The following CDK5RAP2 variants were observed in gnomAD, a reference collection of about 807,000 sequenced individuals.
CDK5RAP2 encodes the protein CDK5 regulatory subunit-associated protein 2.
A neutral mutation model predicts 232.9 loss-of-function variants in CDK5RAP2; 147 were observed. The observed-to-expected ratio is 0.63, with a 90% CI of 0.55 to 0.72. The LOEUF is 0.72. Among genes scored for constraint, CDK5RAP2 ranks in the 30% least tolerant of loss-of-function variants. The pLI, the probability that CDK5RAP2 is intolerant of heterozygous loss-of-function variation, is 0.00. For synonymous variants in CDK5RAP2, 833 were observed against 833.7 expected (o/e 1.00, Z 0.01); for missense variants, 2,195 against 2,231.5 (o/e 0.98, Z 0.33).
At chr9:120,409,871 G>A (rs1205509475) in intron 29 of CDK5RAP2, among the ~76,000 whole-genome samples, 1 of 152,240 alleles carries the variant, frequency 6.6e-6, no homozygotes, top group African/African-American at 2.4e-5. Context: ...AACCTTGAGT[G>A]AGGCTCTTCA....
At chr9:120,555,421 A>G (rs2042192334) in intron 3 of CDK5RAP2, among the ~76,000 whole-genome samples, 1 of 152,152 alleles carries the variant, frequency 6.6e-6, no homozygotes, top group Non-Finnish European at 1.5e-5. Context: ...TACAGGCGTG[A>G]GCCACCCTGC....
intron 12 of CDK5RAP2, among the ~76,000 whole-genome samples, chr9:120,494,404 GAGCCT>G (rs2131655816): frequency 6.6e-6 from 1 of 152,226 alleles, no homozygotes; most frequent in East Asian, 1.9e-4. Flanking sequence ...AATACGAAAT[GAGCCT>G]AGGAGATCTT....
intron 14 of CDK5RAP2, among the ~76,000 whole-genome samples, chr9:120,482,711 C>A (rs2038391042): frequency 6.6e-6 from 1 of 152,156 alleles, no homozygotes; most frequent in Admixed American, 6.5e-5. Context: ...TCAAACGCTG[C>A]CACAAATACT....
intron 35 of CDK5RAP2, among the ~76,000 whole-genome samples, chr9:120,396,478 A>G (rs192709578): frequency 1.4e-3 from 209 of 152,334 alleles, no homozygotes; most frequent in African/African-American, 4.9e-3. Flanking sequence ...TGGCTGACCC[A>G]TTCCTTGTTC....
intron 12 of CDK5RAP2, among the ~76,000 whole-genome samples, chr9:120,500,845 T>A (rs944332017): frequency 1.3e-5 from 2 of 152,204 alleles, no homozygotes; most frequent in Non-Finnish European, 2.9e-5. Context: ...TGATTGTGTT[T>A]TGCTGGCCGG....
chr9:120,506,554 T>C (rs2039821425), intron 12 of CDK5RAP2, among the ~76,000 whole-genome samples: 1 of 152,244 alleles, frequency 6.6e-6, no homozygotes, highest in African/African-American at 2.4e-5. Context: ...TGGAAAGGAT[T>C]CATCATTCTA....
intron 20 of CDK5RAP2, among the ~76,000 whole-genome samples, chr9:120,456,985 A>G (rs1391237990): frequency 6.6e-6 from 1 of 152,180 alleles, no homozygotes; most frequent in Non-Finnish European, 1.5e-5. Flanking sequence ...TCAGAGCCCA[A>G]ATATCGTTTA....
intron 25 of CDK5RAP2, among the ~76,000 whole-genome samples, chr9:120,424,530 T>C (rs762142809): frequency 6.6e-6 from 1 of 152,086 alleles, no homozygotes; most frequent in East Asian, 1.9e-4. Context: ...ACATTTTTCA[T>C]CTCATACCTG....
In CDK5RAP2 at chr9:120,439,599, C is replaced by T. The variant is rs905249328; in HGVS notation, c.3522G>A (p.Leu1174=). The T allele has an allele frequency of 6.2e-7, 1 of 1,614,184 alleles. No individual in the cohort carries two copies. Among genetic ancestry groups the T allele is most frequent in the Non-Finnish European group, 8.5e-7 (1 of 1,180,026 alleles). ...CGTGTTTCACGTATCGCACTTGGTG[C>T]AAACTTGAAAAGGTCATTTCTTCCC... ...SDGEEMTFSS[L]HQVRYVKHVK... Residue 1174 remains leucine (L), a synonymous_variant, in exon 24 of 38, where the codon TTG becomes TTA. Transcript: ENST00000349780.
Position 120,406,998 on chromosome 9 carries a change from G to C in CDK5RAP2, c.4963+14C>G. The C allele has an allele frequency of 6.3e-7, 1 of 1,584,778 alleles. No individual in the cohort carries two copies. Among genetic ancestry groups the C allele is most frequent in the Non-Finnish European group, 8.7e-7 (1 of 1,153,378 alleles). On this transcript the variant is annotated intron_variant, in intron 32 of 37. Transcript: ENST00000349780. ...GCTGCATTCTCAGCAAGTGGGGAGA[G>C]GCAGGGGCAGTACCGTGTTTGTCAG...
chr9:120,501,908 G>A (rs2039593383), intron 12 of CDK5RAP2, among the ~76,000 whole-genome samples: 1 of 152,212 alleles, frequency 6.6e-6, no homozygotes, highest in Non-Finnish European at 1.5e-5. Flanking sequence ...CACTCAATAA[G>A]CATCTGTTGG....
intron 18 of CDK5RAP2, among the ~76,000 whole-genome samples, chr9:120,466,455 C>G (rs900526564): frequency 1.3e-5 from 2 of 152,180 alleles, no homozygotes; most frequent in African/African-American, 4.8e-5. Flanking sequence ...TGATAAAAGA[C>G]TCAACAAATC....
chr9:120,455,427 A>C (rs979843108), intron 20 of CDK5RAP2, among the ~76,000 whole-genome samples: 9 of 151,710 alleles, frequency 5.9e-5, no homozygotes, highest in Non-Finnish European at 1.0e-4. Context: ...GGACTGGGCC[A>C]GGCACACACG....
chr9:120,534,323 T>C (rs574943178), intron 7 of CDK5RAP2, among the ~76,000 whole-genome samples: 126 of 152,264 alleles, frequency 8.3e-4, no homozygotes, highest in African/African-American at 3.0e-3. Context: ...TTACTTTCCT[T>C]TCTCTGTCCA....
intron 27 of CDK5RAP2, among the ~76,000 whole-genome samples, chr9:120,416,941 T>C (rs967097321): frequency 6.6e-6 from 1 of 152,262 alleles, no homozygotes; most frequent in African/African-American, 2.4e-5. Flanking sequence ...ATGAGATGAC[T>C]TAATTCCCAG....
In CDK5RAP2 at chr9:120,527,371, G is replaced by T. The variant is rs77954720; in HGVS notation, c.999+435C>A. 1.0e-3 allele frequency among the ~76,000 whole-genome samples: 152 copies of T among 152,108 alleles called. 1 individual carries two copies. The East Asian group carries it at 0.023, about 23-fold the overall frequency. ...ATGCGGCAGTCACTACCCACATGTG[G>T]CTCTTGGCATGTGAAATGTGGTTAG... On this transcript the variant is annotated intron_variant, in intron 10 of 37. Coordinates refer to ENST00000349780, the MANE Select transcript of CDK5RAP2 (RefSeq NM_018249.6).
At chr9:120,507,515 G>A (rs538367211) in intron 12 of CDK5RAP2, among the ~76,000 whole-genome samples, 16 of 152,106 alleles carry the variant, frequency 1.1e-4, no homozygotes, top group Non-Finnish European at 1.6e-4. Flanking sequence ...CCCAAACCTG[G>A]TTGGATATCA....
rs1027593472 is a variant in CDK5RAP2 at position 120,396,571 on chromosome 9, G to A, written c.5452-1933C>T. Among the ~76,000 whole-genome samples, 9 of 152,132 alleles carry A rather than the reference G, an allele frequency of 5.9e-5. 1 individual carries two copies. In the South Asian group the frequency reaches 6.2e-4, roughly 11 times the overall value. On this transcript the variant is annotated intron_variant, in intron 35 of 37. Coordinates refer to ENST00000349780, the MANE Select transcript of CDK5RAP2 (RefSeq NM_018249.6). The stretch of plus-strand genomic sequence containing the variant: ...TGGCTACTGCTCCTCTGGGTGCCCC[G>A]GGGCTCAGTGTCTCCCCATCACCGC...
At chr9:120,482,834 C>A (rs1490582715) in intron 14 of CDK5RAP2, among the ~76,000 whole-genome samples, 1 of 152,228 alleles carries the variant, frequency 6.6e-6, no homozygotes, top group East Asian at 1.9e-4. Context: ...GAGTCAAAGT[C>A]TTCCTAGAAG....
Sources: gnomAD v4.1 joint callset for allele counts (sites outside exome capture counted in the v4.1 genomes callset) on GRCh38, gnomAD v4.1.1 for gene constraint, MANE v1.5 for transcripts, NCBI Gene and HGNC (gene_info 2026-07-23, HGNC 2026-07-21) for gene names.